Variants in ARHGAP40 observed in about 807,000 individuals in gnomAD.
ARHGAP40 encodes the protein Rho GTPase activating protein 40, also known as rho GTPase-activating protein 40.
Under a neutral mutation model 73.5 loss-of-function variants are expected in ARHGAP40, and 43 were observed. The ratio of observed to expected loss-of-function variants is 0.58; its 90% CI spans 0.46 to 0.75. The LOEUF is 0.75. ARHGAP40 is among the 30% of genes least tolerant of loss of function. ARHGAP40 has a pLI of 0.00. For synonymous variants in ARHGAP40, 300 were observed against 352.8 expected (o/e 0.85, Z 1.68); for missense variants, 734 against 861.8 (o/e 0.85, Z 1.86).
chr20:38,629,576 C>G (rs756856472), exon 5 of ARHGAP40: 3 of 1,305,442 alleles, frequency 2.3e-6, no homozygotes, highest in South Asian at 2.5e-5. Flanking sequence ...CTACTCAGAA[C>G]AAGCTGCGGT....
intron 1 of ARHGAP40, among the ~76,000 whole-genome samples, chr20:38,604,458 C>T (rs569243608): frequency 2.0e-5 from 3 of 149,942 alleles, no homozygotes; most frequent in East Asian, 2.0e-4. Context: ...TACAATGGCA[C>T]GATCTCGGCT....
At chr20:38,636,446 A>T (rs1485741595) in intron 6 of ARHGAP40, among the ~76,000 whole-genome samples, 1 of 151,732 alleles carries the variant, frequency 6.6e-6, no homozygotes, top group African/African-American at 2.4e-5. Flanking sequence ...TATTTTTTGT[A>T]GAGATGCAGT....
At chr20:38,627,135 A>G (rs1471471654) in exon 3 of ARHGAP40, 2 of 1,305,306 alleles carry the variant, frequency 1.5e-6, no homozygotes, top group Non-Finnish European at 2.0e-6. Flanking sequence ...CCGGCTGGAC[A>G]TCTATGCTCG....
At chr20:38,606,843 G>A (rs1047442723) in intron 1 of ARHGAP40, among the ~76,000 whole-genome samples, 2 of 152,164 alleles carry the variant, frequency 1.3e-5, no homozygotes, top group Admixed American at 6.5e-5. Context: ...GTATGTGAAC[G>A]CAACCACTGA....
At chr20:38,648,398 C>A (rs766108582) in intron 13 of ARHGAP40, among the ~76,000 whole-genome samples, 1 of 152,220 alleles carries the variant, frequency 6.6e-6, no homozygotes, top group African/African-American at 2.4e-5. Context: ...GGCCTCGCAG[C>A]GGGGTGCACC....
exon 15 of ARHGAP40, chr20:38,649,914 A>G: frequency 8.7e-7 from 1 of 1,151,708 alleles, no homozygotes; most frequent in Non-Finnish European, 1.2e-6. Flanking sequence ...GTGTCCATGT[A>G]CCCAGCATGA....
intron 5 of ARHGAP40, among the ~76,000 whole-genome samples, chr20:38,632,827 A>G (rs2088949736): frequency 6.6e-6 from 1 of 150,838 alleles, no homozygotes; most frequent in Non-Finnish European, 1.5e-5. Flanking sequence ...ATTTTTTTTA[A>G]ATAATTGGGT....
intron 1 of ARHGAP40, among the ~76,000 whole-genome samples, chr20:38,604,296 A>G (rs17832413): frequency 0.03 from 4,616 of 152,324 alleles, 83 homozygotes; most frequent in East Asian, 0.065. Flanking sequence ...TGGTTGAATG[A>G]ACAGATGAAA....
intron 1 of ARHGAP40, among the ~76,000 whole-genome samples, chr20:38,605,716 G>A (rs2088767289): frequency 6.6e-6 from 1 of 152,164 alleles, no homozygotes; most frequent in Admixed American, 6.5e-5. Context: ...ATAGGATTTT[G>A]TGCTTCATAA....
intron 13 of ARHGAP40, among the ~76,000 whole-genome samples, chr20:38,647,832 G>A (rs1233932526): frequency 6.6e-6 from 1 of 152,232 alleles, no homozygotes; most frequent in Non-Finnish European, 1.5e-5. Flanking sequence ...AACTGTATTA[G>A]GTTTCATAAG....
chr20:38,611,645 T>A (rs1374722032), intron 1 of ARHGAP40, among the ~76,000 whole-genome samples: 1 of 151,986 alleles, frequency 6.6e-6, no homozygotes, highest in Non-Finnish European at 1.5e-5. Flanking sequence ...TGGCACCATC[T>A]TGGCTCTCTG....
At chr20:38,633,039 C>A (rs1311948662) in intron 5 of ARHGAP40, among the ~76,000 whole-genome samples, 1 of 151,926 alleles carries the variant, frequency 6.6e-6, no homozygotes, top group African/African-American at 2.4e-5. Context: ...AGGAGAATTG[C>A]TTGAACCTGG....
At chr20:38,618,188 C>T (rs2088853791) in intron 1 of ARHGAP40, among the ~76,000 whole-genome samples, 1 of 151,986 alleles carries the variant, frequency 6.6e-6, no homozygotes, top group African/African-American at 2.4e-5. Flanking sequence ...TAATCTCTGC[C>T]TCCCAGGTTC....
intron 1 of ARHGAP40, among the ~76,000 whole-genome samples, chr20:38,617,044 C>T (rs967728398): frequency 3.6e-4 from 55 of 152,242 alleles, no homozygotes; most frequent in African/African-American, 1.2e-3. Context: ...TTCCTAGATT[C>T]GGTGGAACTG....
At chr20:38,618,688 G>T (rs1395840458) in intron 1 of ARHGAP40, among the ~76,000 whole-genome samples, 1 of 152,086 alleles carries the variant, frequency 6.6e-6, no homozygotes, top group Non-Finnish European at 1.5e-5. Flanking sequence ...TTCGGCTAGG[G>T]CTGTTGACTG....
At chr20:38,612,707 A>AAAAGG (rs1333570791) in intron 1 of ARHGAP40, among the ~76,000 whole-genome samples, 2 of 152,088 alleles carry the variant, frequency 1.3e-5, no homozygotes, top group African/African-American at 4.8e-5. Context: ...ATAAGAAAAG[A>AAAAGG]AAAGGAAAGG....
At position 38,628,818 on chromosome 20, in the gene ARHGAP40, G is replaced by A. The variant is rs1204718340; in HGVS notation, c.559-109G>A. ...AGTAACTCAGCCTCTCTGGGCTTCA[G>A]TGGCTCCATCTGTGAAAAGGGGTTG... On this transcript the variant is annotated intron_variant, in intron 3 of 14. Coordinates refer to ENST00000373345, the Ensembl canonical transcript of ARHGAP40. The A allele has an allele frequency of 7.9e-6, 6 of 758,968 alleles. No homozygotes were observed. The East Asian group carries it at 3.6e-4, about 46-fold the overall frequency. 47.0% of individuals were successfully genotyped at this position (758,968 alleles called of 1,614,324 possible). A position where few individuals can be genotyped will look rare whatever the true frequency, so the allele number is the denominator to read the frequency against.
chr20:38,602,004 C>A, exon 1 of ARHGAP40: 1 of 1,287,734 alleles, frequency 7.8e-7, no homozygotes, highest in Non-Finnish European at 1.0e-6. Context: ...GGGCCCCTAG[C>A]CTCACCGTGT....
intron 1 of ARHGAP40, among the ~76,000 whole-genome samples, chr20:38,616,809 G>A (rs1255403933): frequency 6.6e-6 from 1 of 152,312 alleles, no homozygotes; most frequent in African/African-American, 2.4e-5. Context: ...AAAACTGAGA[G>A]GGATGCTTTG....
Sources: gnomAD v4.1 joint callset for allele counts (sites outside exome capture counted in the v4.1 genomes callset) on GRCh38, gnomAD v4.1.1 for gene constraint, MANE v1.5 for transcripts, NCBI Gene and HGNC (gene_info 2026-07-23, HGNC 2026-07-21) for gene names.